PDE1C: variants seen among roughly 807,000 people sequenced by gnomAD.
The protein encoded by PDE1C is phosphodiesterase 1C, also known as dual specificity calcium/calmodulin-dependent 3',5'-cyclic nucleotide phosphodiesterase 1C.
Under a neutral mutation model 93.1 loss-of-function variants are expected in PDE1C, and 62 were observed. The ratio of observed to expected loss-of-function variants is 0.67; its 90% CI spans 0.54 to 0.82. The LOEUF (loss-of-function observed/expected upper bound fraction) is 0.82. Ranked by LOEUF, PDE1C falls within the 40% of genes least tolerant of loss-of-function variation. The probability of loss-of-function intolerance (pLI) is 0.00; values close to 1 mark genes in which losing one functional copy is unlikely to be tolerated. For synonymous variants in PDE1C, 325 were observed against 310.1 expected (o/e 1.05, Z -0.50); for missense variants, 742 against 884.6 (o/e 0.84, Z 2.04).
chr7:31,813,522 G>A (rs915528169), intron 15 of PDE1C, among the ~76,000 whole-genome samples: 3 of 152,070 alleles, frequency 2.0e-5, no homozygotes, highest in African/African-American at 4.8e-5. Context: ...TTCTGATTTT[G>A]TTACCTATCT....
the PDE1C span, among the ~76,000 whole-genome samples, chr7:31,727,381 T>C: frequency 6.6e-6 from 1 of 152,364 alleles, no homozygotes; most frequent in East Asian, 1.9e-4. Context: ...TTGCATTATG[T>C]TCCATTCAAT....
chr7:31,631,256 C>T, the PDE1C span, among the ~76,000 whole-genome samples: 1 of 152,142 alleles, frequency 6.6e-6, no homozygotes, highest in Non-Finnish European at 1.5e-5. Flanking sequence ...AATCTGGGGG[C>T]AAAAGGCATG....
At chr7:31,702,924 A>T in the PDE1C span, among the ~76,000 whole-genome samples, 1 of 152,208 alleles carries the variant, frequency 6.6e-6, no homozygotes, top group African/African-American at 2.4e-5. Flanking sequence ...AAAAACAAAA[A>T]TATTTATGGG....
At chr7:32,363,368 G>A (rs905484627) in intron 1 of PDE1C, among the ~76,000 whole-genome samples, 3 of 152,220 alleles carry the variant, frequency 2.0e-5, no homozygotes, top group Admixed American at 6.5e-5. Flanking sequence ...CAAGTAACCA[G>A]CAGAGCTGGG....
chr7:32,286,515 T>C (rs1812012391), intron 1 of PDE1C, among the ~76,000 whole-genome samples: 1 of 152,186 alleles, frequency 6.6e-6, no homozygotes, highest in South Asian at 2.1e-4. Flanking sequence ...GTATATAAAA[T>C]ATGTGTGCAT....
chr7:31,800,781 C>G (rs943021404), intron 16 of PDE1C, among the ~76,000 whole-genome samples: 1 of 151,232 alleles, frequency 6.6e-6, no homozygotes, highest in South Asian at 2.1e-4. Flanking sequence ...AAAAAGCATA[C>G]TAGGATTTTA....
chr7:32,181,625 G>T (rs1367637390), intron 2 of PDE1C, among the ~76,000 whole-genome samples: 2 of 151,970 alleles, frequency 1.3e-5, no homozygotes, highest in African/African-American at 4.8e-5. Flanking sequence ...CAACATACCA[G>T]AATCTCTGGG....
In PDE1C at chr7:32,409,922, T is replaced by C. The variant is rs1395917907; in HGVS notation, c.310+17900A>G. ...ACACACAAATGTATACAGATTCTAA[T>C]AAAAGTCAGAAATAAGAAGGCTCAC... On this transcript the variant is annotated intron_variant, in intron 1 of 1. Transcript: ENST00000672256. Among the ~76,000 whole-genome samples, 7 of 152,000 alleles carry C rather than the reference T, an allele frequency of 4.6e-5. No homozygotes were observed. In the East Asian group the frequency reaches 1.3e-3, roughly 29 times the overall value.
chr7:32,070,358 CT>C lies in PDE1C; in HGVS notation c.35del (p.Glu12GlyfsTer5). Reference protein sequence around the residue: ...ESPTKEIEEFESNSLKYLQPE... With the variant: ...ESPTKEIEEFXSNSLKYLQPE... ...GTTGCAGGTATTTCAGAGAGTTGCT[CT>C]CAAATTCTTCAATCTCCTTGGTTGG... is the stretch of plus-strand genomic sequence containing the variant. On this transcript the variant is annotated frameshift_variant, in exon 1 of 18. Coordinates refer to ENST00000396191, the MANE Select transcript of PDE1C (RefSeq NM_001191057.4). LOFTEE classifies it high-confidence loss of function. The C allele has an allele frequency of 6.2e-7, 1 of 1,614,208 alleles. No homozygotes were observed. Among genetic ancestry groups the C allele is most frequent in the South Asian group, 1.1e-5 (1 of 91,078 alleles).
intron 14 of PDE1C, among the ~76,000 whole-genome samples, chr7:31,818,056 T>C (rs1232360219): frequency 2.0e-5 from 3 of 152,162 alleles, no homozygotes; most frequent in African/African-American, 7.2e-5. Flanking sequence ...TAGGATAGTT[T>C]GAATGTTTTC....
chr7:32,282,459 C>T (rs1296312041), intron 1 of PDE1C, among the ~76,000 whole-genome samples: 2 of 4,010 alleles, frequency 5.0e-4, no homozygotes, highest in East Asian at 0.029. Context: ...GCCTGGGCAA[C>T]AAAGGCCAAA....
At chr7:31,831,482 ACACACACACATGCACG>A (rs1306066879) in intron 11 of PDE1C, among the ~76,000 whole-genome samples, 2 of 124,716 alleles carry the variant, frequency 1.6e-5, no homozygotes, top group Non-Finnish European at 1.7e-5. Context: ...AAAGGCACAC[ACACACACACATGCACG>A]CACACACACA....
rs796122014 is a variant in PDE1C at position 32,341,173 on chromosome 7, C to CTATTTTTTTTT, written c.310+86648_310+86649insAAAAAAAAATA. 1.3e-3 allele frequency among the ~76,000 whole-genome samples: 109 copies of CTATTTTTTTTT among 84,950 alleles called. 2 individuals are homozygous for CTATTTTTTTTT. Among genetic ancestry groups the CTATTTTTTTTT allele is most frequent in the African/African-American group, 2.4e-3 (55 of 23,016 alleles). 55.7% of individuals were successfully genotyped at this position (84,950 alleles called of 152,430 possible). On this transcript the variant is annotated intron_variant, in intron 1 of 1. Coordinates refer to the PDE1C transcript ENST00000672256. ...CCTAAAACTACTCTAGAAATAAAGT[C>CTATTTTTTTTT]TTTTTTTTTTTTTTTTTTTTGAGAC...
At chr7:31,771,496 G>A (rs1330776537) in intron 17 of PDE1C, among the ~76,000 whole-genome samples, 2 of 152,010 alleles carry the variant, frequency 1.3e-5, no homozygotes, top group African/African-American at 2.4e-5. Context: ...GTGCTTATTG[G>A]CCCATTTGTA....
intron 2 of PDE1C, among the ~76,000 whole-genome samples, chr7:31,956,827 T>C (rs568130756): frequency 6.6e-6 from 1 of 152,198 alleles, no homozygotes; most frequent in East Asian, 1.9e-4. Flanking sequence ...GAACACAAAT[T>C]GGTTAAAATC....
At chr7:32,409,241 G>A (rs1170352052) in intron 1 of PDE1C, among the ~76,000 whole-genome samples, 1 of 151,648 alleles carries the variant, frequency 6.6e-6, no homozygotes, top group South Asian at 2.1e-4. Flanking sequence ...TGTGCCTGTA[G>A]TCCCAGCTAC....
intron 1 of PDE1C, among the ~76,000 whole-genome samples, chr7:32,379,048 T>C (rs1326367912): frequency 4.6e-5 from 7 of 152,246 alleles, no homozygotes; most frequent in Admixed American, 3.3e-4. Flanking sequence ...TTAATGTGAC[T>C]TACAATGCGT....
intron 2 of PDE1C, among the ~76,000 whole-genome samples, chr7:31,928,765 A>G (rs1182674625): frequency 1.3e-5 from 2 of 152,234 alleles, no homozygotes; most frequent in Non-Finnish European, 2.9e-5. Context: ...AGCCTGCCTC[A>G]CAAGAGCTCC....
intron 2 of PDE1C, among the ~76,000 whole-genome samples, chr7:31,935,205 T>C (rs1015762003): frequency 6.6e-6 from 1 of 152,118 alleles, no homozygotes; most frequent in Admixed American, 6.5e-5. Context: ...GCAGCCTGAG[T>C]AGATGAAAAC....
Sources: gnomAD v4.1 joint callset for allele counts (sites outside exome capture counted in the v4.1 genomes callset) on GRCh38, gnomAD v4.1.1 for gene constraint, MANE v1.5 for transcripts, NCBI Gene and HGNC (gene_info 2026-07-23, HGNC 2026-07-21) for gene names.